Variants in NXPE2 observed in about 807,000 individuals in gnomAD.
NXPE2 encodes neurexophilin and PC-esterase domain family member 2.
A neutral mutation model predicts 34.4 loss-of-function variants in NXPE2; 34 were observed. The observed-to-expected ratio is 0.99, with a 90% CI of 0.75 to 1.31. The LOEUF is 1.31. Ranked by LOEUF, NXPE2 falls within the 40% of genes most tolerant of loss-of-function variation. The pLI is 0.00. For missense variants in NXPE2, 649 were observed against 672.5 expected (o/e 0.97, Z 0.39); for synonymous variants, 235 against 231.3 (o/e 1.02, Z -0.15).
At chr11:114,532,802 A>G in the NXPE2 span, among the ~76,000 whole-genome samples, 1 of 152,154 alleles carries the variant, frequency 6.6e-6, no homozygotes, top group Non-Finnish European at 1.5e-5. Context: ...GTCATGGTTG[A>G]TTATGGGTGA....
At chr11:114,644,943 A>T in the NXPE2 span, among the ~76,000 whole-genome samples, 2 of 152,106 alleles carry the variant, frequency 1.3e-5, no homozygotes, top group South Asian at 4.1e-4. Context: ...GATAAATAAC[A>T]GAAATTGTCA....
the NXPE2 span, among the ~76,000 whole-genome samples, chr11:114,722,689 C>G: frequency 6.6e-6 from 1 of 152,150 alleles, no homozygotes; most frequent in Admixed American, 6.5e-5. Flanking sequence ...ACTAAAGAGG[C>G]CAGCAGTGCT....
At chr11:114,568,741 G>A in the NXPE2 span, among the ~76,000 whole-genome samples, 1 of 152,064 alleles carries the variant, frequency 6.6e-6, no homozygotes, top group Non-Finnish European at 1.5e-5. Flanking sequence ...TCTCTTCTGA[G>A]ATGCTTTTCT....
chr11:114,595,726 C>G, the NXPE2 span: 1 of 152,284 alleles, frequency 6.6e-6, no homozygotes, highest in Non-Finnish European at 1.5e-5. Context: ...ATATAAGTTG[C>G]AGTTTGTTTA....
At chr11:114,584,203 G>T in the NXPE2 span, 1 of 366,484 alleles carries the variant, frequency 2.7e-6, no homozygotes, top group Non-Finnish European at 5.4e-6. Context: ...ATAAGAAAGA[G>T]CTGTGGCTCT....
At chr11:114,543,349 AGCAAG>A in the NXPE2 span, among the ~76,000 whole-genome samples, 1 of 151,312 alleles carries the variant, frequency 6.6e-6, no homozygotes, top group South Asian at 2.1e-4. Flanking sequence ...TGGGCAACAG[AGCAAG>A]ACTCTAATTA....
chr11:114,809,734 A>G, the NXPE2 span, among the ~76,000 whole-genome samples: 3 of 138,650 alleles, frequency 2.2e-5, no homozygotes, highest in African/African-American at 8.0e-5. Flanking sequence ...ATGGGTAGGA[A>G]GAATCAATAT....
chr11:114,651,448 G>A, the NXPE2 span, among the ~76,000 whole-genome samples: 3 of 152,170 alleles, frequency 2.0e-5, no homozygotes, highest in Non-Finnish European at 4.4e-5. Context: ...GCTCATAAAG[G>A]TAGTGTGGAC....
intron 4 of NXPE2, among the ~76,000 whole-genome samples, chr11:114,704,361 G>T (rs527295817): frequency 1.3e-5 from 2 of 152,186 alleles, no homozygotes; most frequent in Admixed American, 1.3e-4. Flanking sequence ...CAATGATCAG[G>T]TGCTGGTGCT....
the NXPE2 span, chr11:114,527,797 G>A: frequency 2.3e-5 from 33 of 1,423,470 alleles, no homozygotes; most frequent in South Asian, 4.1e-4. Flanking sequence ...GCTGATAAAA[G>A]TTTCCTCTGA....
At chr11:114,556,957 A>G in the NXPE2 span, among the ~76,000 whole-genome samples, 1 of 148,768 alleles carries the variant, frequency 6.7e-6, no homozygotes, top group Non-Finnish European at 1.5e-5. Context: ...CAGTGGCACT[A>G]TCTTGGCTCA....
At chr11:114,616,964 G>A in the NXPE2 span, among the ~76,000 whole-genome samples, 28 of 145,930 alleles carry the variant, frequency 1.9e-4, no homozygotes, top group Middle Eastern at 3.5e-3. Flanking sequence ...ACTCTTACCC[G>A]GTTTATTATT....
At chr11:114,752,681 G>A in the NXPE2 span, among the ~76,000 whole-genome samples, 3 of 151,994 alleles carry the variant, frequency 2.0e-5, no homozygotes, top group African/African-American at 7.2e-5. Flanking sequence ...TTTGGGGCTA[G>A]AACAACTAGA....
chr11:114,559,038 G>C, the NXPE2 span, among the ~76,000 whole-genome samples: 1 of 152,136 alleles, frequency 6.6e-6, no homozygotes, highest in Admixed American at 6.5e-5. Context: ...GTAATATGAA[G>C]AGCTCTTAAA....
chr11:114,623,991 C>A, the NXPE2 span, among the ~76,000 whole-genome samples: 1 of 152,004 alleles, frequency 6.6e-6, no homozygotes, highest in African/African-American at 2.4e-5. Context: ...TCGTGGGTAA[C>A]CACTGTTACC....
At chr11:114,575,383 G>C in the NXPE2 span, among the ~76,000 whole-genome samples, 1 of 152,074 alleles carries the variant, frequency 6.6e-6, no homozygotes, top group African/African-American at 2.4e-5. Context: ...ATCCGAATTG[G>C]TAAAGAGGAA....
upstream of NXPE2, among the ~76,000 whole-genome samples, chr11:114,674,982 G>A (rs1480664758): frequency 6.6e-6 from 1 of 151,820 alleles, no homozygotes; most frequent in Non-Finnish European, 1.5e-5. Flanking sequence ...TCCCTTGGAT[G>A]CAAGGATGGT....
At chr11:114,537,920 G>T in the NXPE2 span, among the ~76,000 whole-genome samples, 2 of 152,028 alleles carry the variant, frequency 1.3e-5, no homozygotes, top group South Asian at 2.1e-4. Context: ...TCACAGAATT[G>T]GAAAAAACTA....
At chr11:114,494,272 T>C in the NXPE2 span, among the ~76,000 whole-genome samples, 88,310 of 151,982 alleles carry the variant, frequency 0.58, 26,382 homozygotes, top group African/African-American at 0.72. Flanking sequence ...TGTTGTTATC[T>C]CTTTGAATAA....
Sources: allele counts gnomAD v4.1 joint callset (sites outside exome capture counted in the v4.1 genomes callset), GRCh38; gene constraint gnomAD v4.1.1; transcripts MANE v1.5; gene names NCBI Gene and HGNC (gene_info 2026-07-23, HGNC 2026-07-21).